The following HPSE2 variants were observed in gnomAD, a reference collection of about 807,000 sequenced individuals.
HPSE2 encodes the protein inactive heparanase-2.
Under a neutral mutation model 60.5 loss-of-function variants are expected in HPSE2, and 38 were observed. The observed-to-expected ratio is 0.63, with a 90% CI of 0.48 to 0.82. HPSE2 has a LOEUF of 0.82. HPSE2 is among the 40% of genes least tolerant of loss of function. The pLI is 0.00. For synonymous variants in HPSE2, 295 were observed against 293.2 expected (o/e 1.01, Z -0.06); for missense variants, 713 against 740.4 (o/e 0.96, Z 0.43).
intron 3 of HPSE2, among the ~76,000 whole-genome samples, chr10:98,905,392 T>C (rs1001112549): frequency 6.7e-6 from 1 of 148,268 alleles, no homozygotes; most frequent in Non-Finnish European, 1.5e-5. Context: ...TTCCCACCCA[T>C]GAGTGAGAAT....
chr10:99,260,841 C>G, the HPSE2 span, among the ~76,000 whole-genome samples: 1 of 152,124 alleles, frequency 6.6e-6, no homozygotes, highest in Non-Finnish European at 1.5e-5. Context: ...CTATGGGCAA[C>G]CTTGCGACCT....
At chr10:98,546,760 T>C (rs1435100074) in intron 9 of HPSE2, among the ~76,000 whole-genome samples, 6,524 of 150,382 alleles carry the variant, frequency 0.043, 127 homozygotes, top group South Asian at 0.079. Flanking sequence ...ACTTCATGTC[T>C]AAAACACCAA....
At chr10:99,081,019 C>T (rs1843116272) in intron 3 of HPSE2, among the ~76,000 whole-genome samples, 1 of 152,208 alleles carries the variant, frequency 6.6e-6, no homozygotes, top group East Asian at 1.9e-4. Flanking sequence ...TGGTTTCAAA[C>T]TCCTGACCTC....
At chr10:98,922,493 G>A (rs1038558939) in intron 3 of HPSE2, among the ~76,000 whole-genome samples, 13 of 152,114 alleles carry the variant, frequency 8.5e-5, no homozygotes, top group African/African-American at 3.1e-4. Context: ...CTAATGCATT[G>A]GAAGGTAACG....
At chr10:99,071,721 T>C (rs139231542) in intron 3 of HPSE2, among the ~76,000 whole-genome samples, 23 of 152,356 alleles carry the variant, frequency 1.5e-4, no homozygotes, top group African/African-American at 3.4e-4. Context: ...AAATCTTTAA[T>C]CTACTTTGCA....
At chr10:99,255,537 T>C in the HPSE2 span, among the ~76,000 whole-genome samples, 2 of 144,108 alleles carry the variant, frequency 1.4e-5, no homozygotes, top group Non-Finnish European at 3.0e-5. Flanking sequence ...AACAAATTAG[T>C]ACACACACAT....
chr10:98,551,913 A>G (rs1943875232), intron 9 of HPSE2, among the ~76,000 whole-genome samples: 1 of 152,172 alleles, frequency 6.6e-6, no homozygotes, highest in Non-Finnish European at 1.5e-5. Context: ...TCACTGAGTC[A>G]GTAACCCCAG....
At chr10:98,829,804 A>T (rs561725123) in intron 3 of HPSE2, among the ~76,000 whole-genome samples, 54 of 152,158 alleles carry the variant, frequency 3.5e-4, no homozygotes, top group African/African-American at 1.3e-3. Flanking sequence ...GAAATTTTTA[A>T]CCTCTCACTT....
intron 9 of HPSE2, among the ~76,000 whole-genome samples, chr10:98,527,575 T>A (rs969085720): frequency 6.6e-6 from 1 of 152,198 alleles, no homozygotes; most frequent in Admixed American, 6.5e-5. Context: ...GACCTATCTT[T>A]ACCTATTTAA....
At chr10:99,230,127 G>A (rs187145151) in intron 2 of HPSE2, among the ~76,000 whole-genome samples, 1 of 152,156 alleles carries the variant, frequency 6.6e-6, no homozygotes, top group Admixed American at 6.5e-5. Flanking sequence ...AAGGAGTTCG[G>A]CTAGGAGCAA....
At chr10:98,999,600 T>C (rs969971452) in intron 3 of HPSE2, among the ~76,000 whole-genome samples, 1 of 152,126 alleles carries the variant, frequency 6.6e-6, no homozygotes, top group Admixed American at 6.5e-5. Context: ...GGAAGTGAGA[T>C]GTGAGCTGGG....
intron 3 of HPSE2, among the ~76,000 whole-genome samples, chr10:99,077,458 C>G (rs977973479): frequency 2.0e-5 from 3 of 151,720 alleles, no homozygotes; most frequent in Non-Finnish European, 2.9e-5. Context: ...AATTTGTCTT[C>G]GAGTTTACTG....
At chr10:99,190,162 C>G (rs914301297) in intron 2 of HPSE2, among the ~76,000 whole-genome samples, 1 of 152,146 alleles carries the variant, frequency 6.6e-6, no homozygotes, top group Non-Finnish European at 1.5e-5. Context: ...GGGCATTGTG[C>G]TAATACTTTA....
chr10:98,983,153 C>T (rs1482277890), intron 3 of HPSE2, among the ~76,000 whole-genome samples: 1 of 152,154 alleles, frequency 6.6e-6, no homozygotes, highest in Non-Finnish European at 1.5e-5. Flanking sequence ...ATGGTTGCGG[C>T]ATCATTCAAG....
At chr10:98,838,789 C>A (rs1256812526) in intron 3 of HPSE2, among the ~76,000 whole-genome samples, 2 of 152,012 alleles carry the variant, frequency 1.3e-5, no homozygotes, top group African/African-American at 4.8e-5. Flanking sequence ...CAAATGATTA[C>A]AAAGGAATGT....
intron 7 of HPSE2, among the ~76,000 whole-genome samples, chr10:98,625,089 C>A (rs1448931220): frequency 6.6e-6 from 1 of 152,246 alleles, no homozygotes; most frequent in Non-Finnish European, 1.5e-5. Flanking sequence ...GTAAGTGCTT[C>A]ACAGGAGACT....
intron 3 of HPSE2, among the ~76,000 whole-genome samples, chr10:98,864,283 T>G (rs1176658823): frequency 6.6e-6 from 1 of 152,282 alleles, no homozygotes; most frequent in East Asian, 1.9e-4. Flanking sequence ...TAGATATTTA[T>G]TTTTCTTAAT....
At chr10:99,121,872 CATGAG>C (rs1257733658) in intron 3 of HPSE2, among the ~76,000 whole-genome samples, 1 of 152,004 alleles carries the variant, frequency 6.6e-6, no homozygotes, top group Non-Finnish European at 1.5e-5. Context: ...TAGAGACAAC[CATGAG>C]AGCTATCAAC....
At chr10:98,771,945 T>C (rs1471467075) in intron 3 of HPSE2, among the ~76,000 whole-genome samples, 1 of 152,204 alleles carries the variant, frequency 6.6e-6, no homozygotes, top group East Asian at 1.9e-4. Flanking sequence ...CATCAGAGGA[T>C]GTTCCAGGGG....
Sources: allele counts gnomAD v4.1 joint callset (sites outside exome capture counted in the v4.1 genomes callset), GRCh38; gene constraint gnomAD v4.1.1; transcripts MANE v1.5; gene names NCBI Gene and HGNC (gene_info 2026-07-23, HGNC 2026-07-21).